NLRP9: variants seen among roughly 807,000 people sequenced by gnomAD.
The protein encoded by NLRP9 is NACHT, LRR and PYD domains-containing protein 9.
Under a neutral mutation model 83.1 loss-of-function variants are expected in NLRP9, and 88 were observed. The ratio of observed to expected loss-of-function variants is 1.06; its 90% CI spans 0.89 to 1.26. The LOEUF is 1.26. Among genes scored for constraint, NLRP9 ranks in the 50% most tolerant of loss-of-function variants. The pLI, the probability that NLRP9 is intolerant of heterozygous loss-of-function variation, is 0.00. For synonymous variants in NLRP9, 521 were observed against 447.6 expected (o/e 1.16, Z -2.07); for missense variants, 1,308 against 1,179.3 (o/e 1.11, Z -1.60).
chr19:55,727,834 A>T (rs984918533), intron 3 of NLRP9, among the ~76,000 whole-genome samples: 1 of 152,140 alleles, frequency 6.6e-6, no homozygotes, highest in Non-Finnish European at 1.5e-5. Context: ...GCTCCCCAAG[A>T]TCACTCCTAG....
chr19:55,731,925 A>C, intron 2 of NLRP9, 74 bp downstream of exon 2: 1 of 952,104 alleles, frequency 1.1e-6, no homozygotes, highest in South Asian at 1.7e-5. Flanking sequence ...CATAAGGCCC[A>C]TGAAATACCC....
Position 55,712,306 on chromosome 19 carries a change from G to A in NLRP9, c.2672+114C>T, listed in dbSNP as rs199476230. On this transcript the variant is annotated intron_variant, in intron 7 of 8. Transcript: ENST00000332836. ...GGGGCAGCATTTTACATATCAGATCGTCCCAGAGGGACTTGCTTTTAAACC... is the reference window on the plus strand; with the variant it reads ...GGGGCAGCATTTTACATATCAGATCATCCCAGAGGGACTTGCTTTTAAACC... 4.3e-5 allele frequency: 38 copies of A among 875,406 alleles called. No individual in the cohort carries two copies. The highest frequency in any genetic ancestry group is 4.2e-4 in the African/African-American group (25 of 59,218). The allele number at this position is 875,406 out of a possible 1,614,324, so 54.2% of individuals were successfully genotyped here.
intron 3 of NLRP9, among the ~76,000 whole-genome samples, chr19:55,725,052 T>G (rs1052912111): frequency 3.3e-5 from 5 of 152,068 alleles, no homozygotes; most frequent in African/African-American, 1.2e-4. Flanking sequence ...AGAGTGAAAC[T>G]GTGTCTCAAA....
At chr19:55,721,309 A>G (rs569637922) in intron 4 of NLRP9, among the ~76,000 whole-genome samples, 4 of 152,290 alleles carry the variant, frequency 2.6e-5, no homozygotes, top group East Asian at 3.9e-4. Flanking sequence ...GTAAACAACA[A>G]TGACAAAGTA....
intron 1 of NLRP9, chr19:55,737,498 C>T (rs1568606502): frequency 6.5e-6 from 1 of 152,698 alleles, no homozygotes. Flanking sequence ...CTGTGCTCCC[C>T]TACTAGAACC....
At position 55,708,795 on chromosome 19, in the gene NLRP9, C is replaced by T. The variant is rs1987556814; in HGVS notation, c.*117G>A. 1.2e-5 allele frequency: 8 copies of T among 662,786 alleles called. No homozygotes were observed. Among genetic ancestry groups the T allele is most frequent in the East Asian group, 3.0e-5 (1 of 33,480 alleles). 41.1% of individuals were successfully genotyped at this position (662,786 alleles called of 1,614,324 possible). On this transcript the variant is annotated 3_prime_UTR_variant, in exon 9 of 9. Coordinates refer to ENST00000332836, the MANE Select transcript of NLRP9 (RefSeq NM_176820.4). The stretch of plus-strand genomic sequence containing the variant: ...TATTGCTAGAACACTTAGGGAGTAC[C>T]TCTGAAATCACAGCCCTGCTGCCAT...
chr19:55,711,973 G>A lies in NLRP9; in HGVS notation c.2673-3C>T, dbSNP rs1227994425. 1.3e-5 allele frequency: 21 copies of A among 1,611,164 alleles called. No individual in the cohort carries two copies. The highest frequency in any genetic ancestry group is 1.7e-5 in the Non-Finnish European group (20 of 1,178,632). On this transcript the variant is annotated splice_polypyrimidine_tract_variant and splice_region_variant and intron_variant, in intron 7 of 8. Transcript: ENST00000332836. ...GGGTGATCGGACACGTTTGCAGCCT[G>A]CAAAAGGGAAACACACCAGAGAATC...
At chr19:55,714,965 G>A (rs1263797693) in intron 6 of NLRP9, 90 bp downstream of exon 6, 5 of 1,233,338 alleles carry the variant, frequency 4.1e-6, no homozygotes, top group Non-Finnish European at 5.7e-6. Flanking sequence ...ACATTCAGAT[G>A]CTAGCATATC....
At position 55,711,112 on chromosome 19, in the gene NLRP9, A is replaced by AC. The variant is rs200348812; in HGVS notation, c.2843+687_2843+688insG. On this transcript the variant is annotated intron_variant, in intron 8 of 8. Coordinates refer to ENST00000332836, the MANE Select transcript of NLRP9 (RefSeq NM_176820.4). ...AAAAAACAAAACAAAACAAAACAAA[A>AC]AAAAAACCTTAAACAACATATTGTG... Among the ~76,000 whole-genome samples, 587 of 151,316 alleles carry AC rather than the reference A, an allele frequency of 3.9e-3. 4 individuals carry two copies. Among genetic ancestry groups the AC allele is most frequent in the African/African-American group, 0.012 (495 of 41,086 alleles).
Position 55,715,038 on chromosome 19 carries a change from A to C in NLRP9, c.2501+17T>G. On this transcript the variant is annotated intron_variant, in intron 6 of 8. Transcript: ENST00000332836. ...AAAAGAAACCCTGACATTGAAGCAA[A>C]TCATGGCCGGTCCTACCACAGCTCC... 6 of 1,590,570 alleles carry C rather than the reference A, an allele frequency of 3.8e-6. No individual in the cohort carries two copies. Among genetic ancestry groups the C allele is most frequent in the Non-Finnish European group, 5.1e-6 (6 of 1,169,798 alleles).
intron 4 of NLRP9, 125 bp from the exon 5 acceptor site, chr19:55,717,023 G>C: frequency 3.7e-5 from 20 of 547,366 alleles, no homozygotes; most frequent in Non-Finnish European, 5.4e-5. Context: ...CTACACTACA[G>C]ACTCTTTTTC....
At chr19:55,719,861 TG>T (rs142074084) in intron 4 of NLRP9, among the ~76,000 whole-genome samples, 2,155 of 151,638 alleles carry the variant, frequency 0.014, 56 homozygotes, top group African/African-American at 0.05. Context: ...ACAATGGGGG[TG>T]GGAGGGGAAA....
Position 55,711,922 on chromosome 19 carries a change from T to C in NLRP9, c.2721A>G (p.Ala907=). 1.2e-6 allele frequency: 2 copies of C among 1,613,178 alleles called. No homozygotes were observed. The highest frequency in any genetic ancestry group is 2.2e-5 in the East Asian group (1 of 44,882). ...ITRACCDDIA[A]ALIACKTLRS... ...TCAGTGTTTTGCAGGCGATGAGTGC[T>C]GCGGCGATGTCGTCGCAGCAGGCAC... is the stretch of plus-strand genomic sequence containing the variant. The change falls in exon 8 of 9, where the codon GCA becomes GCG. Residue 907 remains alanine, a synonymous_variant. Coordinates refer to ENST00000332836, the MANE Select transcript of NLRP9 (RefSeq NM_176820.4).
At chr19:55,711,108 CAAAA>C (rs568342962) in intron 8 of NLRP9, among the ~76,000 whole-genome samples, 2 of 144,760 alleles carry the variant, frequency 1.4e-5, no homozygotes, top group African/African-American at 5.2e-5. Context: ...CAAAACAAAA[CAAAA>C]AAAAAACCTT....
chr19:55,708,479 C>G lies in NLRP9; in HGVS notation c.*433G>C, dbSNP rs903237414. On this transcript the variant is annotated 3_prime_UTR_variant, in exon 9 of 9. Coordinates refer to ENST00000332836, the MANE Select transcript of NLRP9 (RefSeq NM_176820.4). The stretch of plus-strand genomic sequence containing the variant: ...TATTGGACAAGAAAATTGATCAAAT[C>G]GAAATCTGGACAAACTAGAAAGTCT... 6.5e-6 allele frequency: 1 copy of G among 153,158 alleles called. No individual in the cohort carries two copies. Among genetic ancestry groups the G allele is most frequent in the South Asian group, 2.1e-4 (1 of 4,820 alleles). 9.5% of individuals were successfully genotyped at this position (153,158 alleles called of 1,614,324 possible).
intron 6 of NLRP9, 21 bp from the exon 7 acceptor site, chr19:55,712,611 C>T (rs765707308): frequency 6.2e-7 from 1 of 1,606,038 alleles, no homozygotes; most frequent in East Asian, 2.2e-5. Flanking sequence ...GGAAGACACA[C>T]AAATACGTAC....
intron 4 of NLRP9, among the ~76,000 whole-genome samples, chr19:55,717,977 A>C (rs931948933): frequency 2.0e-5 from 3 of 152,206 alleles, no homozygotes; most frequent in African/African-American, 7.2e-5. Flanking sequence ...AAGAAACTCC[A>C]CTTTGATCTG....
intron 3 of NLRP9, 133 bp from the exon 4 acceptor site, chr19:55,724,277 C>G: frequency 1.7e-6 from 1 of 603,880 alleles, no homozygotes; most frequent in Admixed American, 3.2e-5. Flanking sequence ...GTTACTCCTG[C>G]CAGTAAATTA....
intron 8 of NLRP9, among the ~76,000 whole-genome samples, chr19:55,711,091 AAC>A (rs1987695081): frequency 1.7e-5 from 2 of 119,292 alleles, no homozygotes; most frequent in Non-Finnish European, 3.4e-5. Flanking sequence ...GCCTCAAAAA[AAC>A]AAAACAAAAC....
Sources: gnomAD v4.1 joint callset for allele counts (sites outside exome capture counted in the v4.1 genomes callset) on GRCh38, gnomAD v4.1.1 for gene constraint, MANE v1.5 for transcripts, NCBI Gene and HGNC (gene_info 2026-07-23, HGNC 2026-07-21) for gene names.